The following ADCY9 variants were observed in gnomAD, a reference collection of about 807,000 sequenced individuals.
ADCY9 encodes adenylate cyclase 9, also known as adenylate cyclase type 9.
In ADCY9, 50 loss-of-function variants were observed where a neutral mutation model predicts 101.5. The observed-to-expected ratio is 0.49, with a 90% CI of 0.39 to 0.62. The LOEUF is 0.62. Ranked by LOEUF, ADCY9 falls within the 20% of genes least tolerant of loss-of-function variation. ADCY9 has a pLI of 0.00. For synonymous variants in ADCY9, 905 were observed against 769.3 expected (o/e 1.18, Z -2.92); for missense variants, 1,662 against 1,800.4 (o/e 0.92, Z 1.39).
rs1190816780 is a variant in ADCY9 at position 3,977,512 on chromosome 16, A to G, written c.2798T>C (p.Leu933Pro). Residue 933 changes from leucine to proline, a missense_variant, in exon 9 of 11, where the codon CTC becomes CCC. Physicochemically the swap from Leu to Pro is moderately conservative, Grantham distance 98. This residue lies in a region of ADCY9 where 624 missense variants were observed against 639.1 expected (regional missense o/e 0.98). Transcript: ENST00000294016. ...TGGGCACAGGGAGACGTAGAGCAGGAGCAGCGGCCCGGCCCCCACGACGGT... is the reference window on the plus strand; with the variant it reads ...TGGGCACAGGGAGACGTAGAGCAGGGGCAGCGGCCCGGCCCCCACGACGGT... ...LATVVGAGPL[L>P]LLYVSLCPDS... is the part of the protein sequence containing the mutation. 1.9e-6 allele frequency: 3 copies of G among 1,580,242 alleles called. No individual in the cohort carries two copies. Among genetic ancestry groups the G allele is most frequent in the Admixed American group, 1.8e-5 (1 of 54,516 alleles).
At chr16:4,084,323 G>A (rs1027895639) in intron 2 of ADCY9, among the ~76,000 whole-genome samples, 2 of 151,834 alleles carry the variant, frequency 1.3e-5, no homozygotes, top group African/African-American at 4.8e-5. Context: ...TGTTGGCCAG[G>A]CTGGTCTCGA....
In ADCY9 at chr16:4,017,455, C is replaced by T. The variant is rs375446689; in HGVS notation, c.1694-9897G>A. 1.1e-4 allele frequency among the ~76,000 whole-genome samples: 17 copies of T among 149,302 alleles called. 3 individuals are homozygous for T. The highest frequency in any genetic ancestry group is 3.9e-4 in the African/African-American group (16 of 41,262). ...GGTCAGGAGTTCAAGACCAGCCTGACCAACATGGTAAAACCCTGTCTCTAC... is the reference window on the plus strand; with the variant it reads ...GGTCAGGAGTTCAAGACCAGCCTGATCAACATGGTAAAACCCTGTCTCTAC... On this transcript the variant is annotated intron_variant, in intron 2 of 10. Coordinates refer to ENST00000294016, the MANE Select transcript of ADCY9 (RefSeq NM_001116.4).
At chr16:4,077,431 G>A (rs1021828744) in intron 2 of ADCY9, among the ~76,000 whole-genome samples, 1 of 152,128 alleles carries the variant, frequency 6.6e-6, no homozygotes, top group East Asian at 1.9e-4. Context: ...GAGCACTCAA[G>A]AAGTACGCCA....
At chr16:4,095,291 G>A (rs904414855) in intron 2 of ADCY9, among the ~76,000 whole-genome samples, 3 of 152,124 alleles carry the variant, frequency 2.0e-5, no homozygotes, top group African/African-American at 4.8e-5. Context: ...GTGAGCCACC[G>A]CGCCCAGCCC....
At chr16:4,026,217 G>A (rs574202866) in intron 2 of ADCY9, among the ~76,000 whole-genome samples, 2 of 152,218 alleles carry the variant, frequency 1.3e-5, no homozygotes, top group East Asian at 1.9e-4. Flanking sequence ...CTGAGGTCAG[G>A]AGTCTGAGAC....
intron 2 of ADCY9, among the ~76,000 whole-genome samples, chr16:4,053,481 G>A (rs899240702): frequency 1.3e-5 from 2 of 152,150 alleles, no homozygotes; most frequent in African/African-American, 4.8e-5. Flanking sequence ...CCTTCCTCTG[G>A]AGCGCTTCAC....
chr16:4,001,385 G>A (rs2056329672), intron 3 of ADCY9, among the ~76,000 whole-genome samples: 1 of 152,206 alleles, frequency 6.6e-6, no homozygotes, highest in Non-Finnish European at 1.5e-5. Flanking sequence ...AGAGCAGACT[G>A]AGGTTTGGGG....
intron 2 of ADCY9, among the ~76,000 whole-genome samples, chr16:4,084,920 C>T (rs375355671): frequency 6.5e-4 from 99 of 152,256 alleles, no homozygotes; most frequent in African/African-American, 2.1e-3. Context: ...CTTCAACTCC[C>T]GGCCTTCTAA....
At chr16:4,010,370 C>T (rs2056395818) in intron 2 of ADCY9, among the ~76,000 whole-genome samples, 1 of 152,358 alleles carries the variant, frequency 6.6e-6, no homozygotes, top group Non-Finnish European at 1.5e-5. Context: ...ACAGCCAGCA[C>T]ATTCACAGCG....
chr16:4,087,267 G>A (rs1056928716), intron 2 of ADCY9, among the ~76,000 whole-genome samples: 1 of 151,890 alleles, frequency 6.6e-6, no homozygotes, highest in Non-Finnish European at 1.5e-5. Context: ...GGGCACGGTG[G>A]CTCACGTCTG....
intron 2 of ADCY9, among the ~76,000 whole-genome samples, chr16:4,015,293 T>C (rs567348967): frequency 1.3e-5 from 2 of 152,196 alleles, no homozygotes. Context: ...TGCTAAATGC[T>C]ACATTCCAGA....
At chr16:4,013,742 A>G (rs1345991837) in intron 2 of ADCY9, among the ~76,000 whole-genome samples, 2 of 152,244 alleles carry the variant, frequency 1.3e-5, no homozygotes, top group Non-Finnish European at 2.9e-5. Flanking sequence ...AAAGATAAAA[A>G]TACTCTTAAT....
chr16:4,015,412 C>G (rs1368769442), intron 2 of ADCY9: 1 of 152,238 alleles, frequency 6.6e-6, no homozygotes, highest in Non-Finnish European at 1.5e-5. Context: ...TTCACAAAGA[C>G]TGTAGAAATG....
At chr16:3,995,038 T>A (rs1406954940) in intron 3 of ADCY9, among the ~76,000 whole-genome samples, 1 of 152,206 alleles carries the variant, frequency 6.6e-6, no homozygotes, top group Non-Finnish European at 1.5e-5. Context: ...TAAACTAGGA[T>A]TCAAACCCTA....
At chr16:4,044,066 G>A (rs969714674) in intron 2 of ADCY9, among the ~76,000 whole-genome samples, 6 of 152,004 alleles carry the variant, frequency 3.9e-5, no homozygotes, top group Non-Finnish European at 2.9e-5. Context: ...AAAATTCTAG[G>A]CCAGGCACGG....
intron 2 of ADCY9, among the ~76,000 whole-genome samples, chr16:4,082,219 A>AG (rs2056907861): frequency 2.0e-5 from 3 of 152,058 alleles, no homozygotes; most frequent in Admixed American, 2.0e-4. Context: ...CTACAAAAAA[A>AG]AAATTGAAAA....
chr16:3,985,347 C>T (rs2056182646), intron 6 of ADCY9, among the ~76,000 whole-genome samples: 1 of 152,096 alleles, frequency 6.6e-6, no homozygotes, highest in African/African-American at 2.4e-5. Flanking sequence ...ACCAAGTTGG[C>T]TAGGATGGTC....
chr16:3,977,914 A>G (rs2056106750), intron 8 of ADCY9, among the ~76,000 whole-genome samples: 1 of 152,008 alleles, frequency 6.6e-6, no homozygotes, highest in African/African-American at 2.4e-5. Context: ...ACTGGGTTTC[A>G]CCATGTTGGC....
chr16:4,035,998 CAAAAA>C (rs55792873), intron 2 of ADCY9, among the ~76,000 whole-genome samples: 4 of 23,168 alleles, frequency 1.7e-4, no homozygotes, highest in Non-Finnish European at 1.4e-4. Context: ...AACTCCATCT[CAAAAA>C]AAAAAAAAAA....
Sources: gnomAD v4.1 joint callset for allele counts (sites outside exome capture counted in the v4.1 genomes callset) on GRCh38, gnomAD v4.1.1 for gene constraint, gnomAD v4.1.1 regional missense constraint, MANE v1.5 for transcripts, NCBI Gene and HGNC (gene_info 2026-07-23, HGNC 2026-07-21) for gene names.